The following ATXN1 variants were observed in gnomAD, a reference collection of about 807,000 sequenced individuals.
ATXN1 encodes the protein ataxin-1.
ATXN1 carries 8 observed loss-of-function variants against 56.4 expected under a neutral mutation model. The observed-to-expected ratio is 0.14, with a 90% CI of 0.08 to 0.26. ATXN1 has a LOEUF of 0.26. ATXN1 is among the 10% of genes least tolerant of loss of function. The pLI, the probability that ATXN1 is intolerant of heterozygous loss-of-function variation, is 1.00. For synonymous variants in ATXN1, 514 were observed against 494.6 expected (o/e 1.04, Z -0.52); for missense variants, 987 against 1,106.5 (o/e 0.89, Z 1.53).
chr6:16,689,006 G>A (rs1004301432), intron 2 of ATXN1, among the ~76,000 whole-genome samples: 30 of 151,992 alleles, frequency 2.0e-4, no homozygotes, highest in South Asian at 6.2e-4. Flanking sequence ...GAATATGTGC[G>A]CATATGTGTA....
intron 3 of ATXN1, among the ~76,000 whole-genome samples, chr6:16,621,690 G>A (rs559570937): frequency 2.0e-5 from 3 of 152,300 alleles, no homozygotes; most frequent in African/African-American, 7.2e-5. Context: ...TCCAGCCTGG[G>A]AGACAGAGCG....
chr6:16,517,521 A>G (rs558471349), intron 5 of ATXN1, among the ~76,000 whole-genome samples: 50 of 152,232 alleles, frequency 3.3e-4, no homozygotes, highest in Non-Finnish European at 6.3e-4. Flanking sequence ...TTAGAATGCT[A>G]ATATTATCAT....
rs1255400842 is a variant in ATXN1, at chr6:16,327,940, G to A, written c.371C>T (p.Pro124Leu). 4 of 1,612,090 alleles carry A rather than the reference G, an allele frequency of 2.5e-6. No homozygotes were observed. Among genetic ancestry groups the A allele is most frequent in the East Asian group, 2.2e-5 (1 of 44,876 alleles). ...PVSPVQYAHLPHTFQFIGSSQ... is the reference protein window; with the variant it reads ...PVSPVQYAHLLHTFQFIGSSQ... ...GGACCCAATGAACTGGAAGGTGTGC[G>A]GCAGGTGAGCGTACTGCACGGGGGA... Residue 124 changes from proline to leucine, a missense_variant, in exon 7 of 8, where the codon CCG becomes CTG. This residue lies in a region of ATXN1 where 723 missense variants were observed against 791.7 expected (regional missense o/e 0.91). Transcript: ENST00000436367.
At chr6:16,389,546 T>C (rs1044818369) in intron 6 of ATXN1, among the ~76,000 whole-genome samples, 1 of 152,202 alleles carries the variant, frequency 6.6e-6, no homozygotes, top group South Asian at 2.1e-4. Flanking sequence ...GTAAGACTAC[T>C]GAATGAATGA....
At chr6:16,501,957 A>G (rs1760894230) in intron 5 of ATXN1, among the ~76,000 whole-genome samples, 1 of 152,166 alleles carries the variant, frequency 6.6e-6, no homozygotes, top group Non-Finnish European at 1.5e-5. Flanking sequence ...AAGCATTCCT[A>G]TTTCTCCACA....
intron 2 of ATXN1, among the ~76,000 whole-genome samples, chr6:16,728,561 TGC>T (rs1381664219): frequency 2.6e-5 from 4 of 152,212 alleles, no homozygotes; most frequent in Non-Finnish European, 4.4e-5. Flanking sequence ...CCTGGTATTT[TGC>T]CCTAAATGCT....
intron 3 of ATXN1, among the ~76,000 whole-genome samples, chr6:16,639,908 C>G (rs908773948): frequency 6.6e-6 from 1 of 152,146 alleles, no homozygotes; most frequent in Non-Finnish European, 1.5e-5. Flanking sequence ...AATTCTCCAA[C>G]AGTAGGCATC....
chr6:16,443,887 A>G (rs894913379), intron 6 of ATXN1, among the ~76,000 whole-genome samples: 1 of 152,092 alleles, frequency 6.6e-6, no homozygotes, highest in Admixed American at 6.6e-5. Flanking sequence ...GAGGCCAAGG[A>G]GGGCCGATCA....
chr6:16,505,768 A>AT (rs774624750), intron 5 of ATXN1, among the ~76,000 whole-genome samples: 75 of 152,306 alleles, frequency 4.9e-4, no homozygotes, highest in Non-Finnish European at 7.5e-4. Flanking sequence ...ACGAAAGCAA[A>AT]TTAGGGTCTC....
At chr6:16,357,372 C>T (rs753334791) in intron 6 of ATXN1, among the ~76,000 whole-genome samples, 77 of 152,084 alleles carry the variant, frequency 5.1e-4, no homozygotes, top group Admixed American at 1.4e-3. Context: ...CGGGTTCAAG[C>T]GGTTCTTCTG....
At chr6:16,437,131 C>G (rs933974762) in intron 6 of ATXN1, among the ~76,000 whole-genome samples, 7 of 152,118 alleles carry the variant, frequency 4.6e-5, no homozygotes, top group African/African-American at 1.7e-4. Flanking sequence ...AAAGAAAAGG[C>G]CCAGGCTGGA....
At chr6:16,617,561 G>A (rs1001156461) in intron 3 of ATXN1, among the ~76,000 whole-genome samples, 3 of 151,814 alleles carry the variant, frequency 2.0e-5, no homozygotes, top group Admixed American at 1.3e-4. Flanking sequence ...TCAGGAGATC[G>A]AGACCATCCT....
intron 6 of ATXN1, among the ~76,000 whole-genome samples, chr6:16,376,892 T>C (rs1242710912): frequency 1.3e-5 from 2 of 152,262 alleles, no homozygotes; most frequent in East Asian, 1.9e-4. Context: ...AGGAAGTTAT[T>C]GTATGCAGAG....
intron 6 of ATXN1, among the ~76,000 whole-genome samples, chr6:16,339,786 AT>A (rs989184974): frequency 5.3e-5 from 8 of 151,728 alleles, no homozygotes; most frequent in African/African-American, 1.5e-4. Context: ...GTAGTGAAGA[AT>A]TTTTTTTCTT....
At chr6:16,315,037 C>A (rs1760478818) in intron 7 of ATXN1, among the ~76,000 whole-genome samples, 1 of 152,144 alleles carries the variant, frequency 6.6e-6, no homozygotes, top group South Asian at 2.1e-4. Flanking sequence ...TTGGTTAAGA[C>A]CTAGTTTCTT....
intron 3 of ATXN1, among the ~76,000 whole-genome samples, chr6:16,639,948 C>G (rs1010651133): frequency 1.3e-5 from 2 of 152,056 alleles, no homozygotes; most frequent in African/African-American, 4.8e-5. Flanking sequence ...TGGACAGAGG[C>G]AGATGGACAG....
intron 2 of ATXN1, chr6:16,737,211 T>C (rs1452442580): frequency 6.6e-6 from 1 of 152,258 alleles, no homozygotes; most frequent in East Asian, 1.9e-4. Flanking sequence ...GAAACTTTGC[T>C]CTATTTTTAA....
chr6:16,701,039 G>A (rs886280017), intron 2 of ATXN1, among the ~76,000 whole-genome samples: 5 of 151,706 alleles, frequency 3.3e-5, no homozygotes, highest in Non-Finnish European at 4.4e-5. Context: ...GAACAGAAGC[G>A]AGGTTTGGGA....
At position 16,328,300 on chromosome 6, in the gene ATXN1, T is replaced by A. The variant is rs748241978; in HGVS notation, c.11A>T (p.Asn4Ile). Reference protein sequence around the residue: MKSNQERSNECLPP... With the variant: MKSIQERSNECLPP... The stretch of plus-strand genomic sequence containing the variant: ...CAGGCATTCGTTGCTCCGCTCTTGG[T>A]TGGATTTCATTTTTCGCCGTCCCCC... The change falls in exon 7 of 8, where the codon AAC becomes ATC. Residue 4 changes from asparagine to isoleucine, a missense_variant. Physicochemically the swap from Asn to Ile is moderately radical, Grantham distance 149 (BLOSUM62 -3). This residue lies in a region of ATXN1 where 723 missense variants were observed against 791.7 expected (regional missense o/e 0.91). Coordinates refer to ENST00000436367, the MANE Select transcript of ATXN1 (RefSeq NM_001128164.2). This position sits in a 1 kb window ranked among gnomAD's most constrained non-coding sequence, Gnocchi z 6.2. The A allele has an allele frequency of 6.6e-7, 1 of 1,504,432 alleles. No individual in the cohort carries two copies. The highest frequency in any genetic ancestry group is 8.8e-7 in the Non-Finnish European group (1 of 1,131,502). The allele number at this position is 1,504,432 out of a possible 1,614,324, so 93.2% of individuals were successfully genotyped here.
Sources: gnomAD v4.1 joint callset for allele counts (sites outside exome capture counted in the v4.1 genomes callset) on GRCh38, gnomAD v4.1.1 for gene constraint, gnomAD v4.1.1 regional missense constraint, Gnocchi (gnomAD v3.1) non-coding constraint, MANE v1.5 for transcripts, NCBI Gene and HGNC (gene_info 2026-07-23, HGNC 2026-07-21) for gene names.